Variants in SAMD12 observed in about 807,000 individuals in gnomAD.
SAMD12 encodes the protein sterile alpha motif domain containing 12.
Under a neutral mutation model 15.0 loss-of-function variants are expected in SAMD12, and 9 were observed. The ratio of observed to expected loss-of-function variants is 0.60; its 90% CI spans 0.36 to 1.05. SAMD12 has a LOEUF of 1.05. Ranked by LOEUF, SAMD12 falls within the 50% of genes least tolerant of loss-of-function variation. The probability of loss-of-function intolerance (pLI) is 0.01; values close to 1 mark genes in which losing one functional copy is unlikely to be tolerated. For synonymous variants in SAMD12, 86 were observed against 90.1 expected (o/e 0.96, Z 0.25); for missense variants, 230 against 234.2 (o/e 0.98, Z 0.12).
exon 5 of SAMD12, chr8:118,197,403 C>A (rs978073597): frequency 4.3e-6 from 2 of 463,660 alleles, no homozygotes; most frequent in Non-Finnish European, 7.7e-6. Flanking sequence ...GCACAGACAG[C>A]TCCCCAAAGG....
chr8:118,603,595 C>T (rs1226130858), intron 1 of SAMD12, among the ~76,000 whole-genome samples: 1 of 152,184 alleles, frequency 6.6e-6, no homozygotes, highest in African/African-American at 2.4e-5. Flanking sequence ...AACTATGCTT[C>T]CCAGCTAGCT....
chr8:118,394,243 C>G (rs1320343840), intron 3 of SAMD12, among the ~76,000 whole-genome samples: 1 of 152,164 alleles, frequency 6.6e-6, no homozygotes, highest in Non-Finnish European at 1.5e-5. Flanking sequence ...GAACAGATTT[C>G]CATTATCCAC....
chr8:118,299,380 G>C (rs1291451574), intron 4 of SAMD12, among the ~76,000 whole-genome samples: 1 of 152,158 alleles, frequency 6.6e-6, no homozygotes, highest in Non-Finnish European at 1.5e-5. Flanking sequence ...AAGGAACAGG[G>C]ATTATCTGGC....
At chr8:118,467,544 G>A (rs1431025218) in intron 2 of SAMD12, among the ~76,000 whole-genome samples, 2 of 152,166 alleles carry the variant, frequency 1.3e-5, no homozygotes, top group Non-Finnish European at 2.9e-5. Context: ...TGCAGAACAT[G>A]TGGCCATGAT....
intron 2 of SAMD12, among the ~76,000 whole-genome samples, chr8:118,579,947 G>A (rs1397175607): frequency 6.6e-6 from 1 of 152,120 alleles, no homozygotes; most frequent in African/African-American, 2.4e-5. Flanking sequence ...TTTAGAAGAG[G>A]CTGTCCTTAC....
intron 4 of SAMD12, among the ~76,000 whole-genome samples, chr8:118,351,739 G>A (rs909393399): frequency 9.9e-5 from 15 of 152,198 alleles, no homozygotes; most frequent in Admixed American, 2.0e-4. Context: ...CAGTCAACTT[G>A]AAAAGAGTAG....
intron 4 of SAMD12, among the ~76,000 whole-genome samples, chr8:118,275,319 T>C (rs186090993): frequency 1.8e-4 from 27 of 152,280 alleles, no homozygotes; most frequent in Non-Finnish European, 3.5e-4. Context: ...AACCAATTCT[T>C]AGGATGGCTT....
chr8:118,232,940 G>T (rs1279117487), intron 4 of SAMD12, among the ~76,000 whole-genome samples: 2 of 152,140 alleles, frequency 1.3e-5, no homozygotes, highest in African/African-American at 4.8e-5. Context: ...TTGAAACTCT[G>T]CCAGAAAGAA....
intron 4 of SAMD12, among the ~76,000 whole-genome samples, chr8:118,299,471 C>T (rs1814902684): frequency 6.6e-6 from 1 of 152,060 alleles, no homozygotes; most frequent in Non-Finnish European, 1.5e-5. Context: ...TTTGAAGATG[C>T]CTAAGGGAGA....
At chr8:118,501,584 C>T (rs1166509284) in intron 2 of SAMD12, among the ~76,000 whole-genome samples, 1 of 152,218 alleles carries the variant, frequency 6.6e-6, no homozygotes, top group Non-Finnish European at 1.5e-5. Context: ...TGGAAAGCAC[C>T]TTCACCATAT....
intron 2 of SAMD12, among the ~76,000 whole-genome samples, chr8:118,441,418 G>A (rs1027464942): frequency 4.6e-5 from 7 of 150,556 alleles, no homozygotes; most frequent in South Asian, 2.1e-4. Context: ...GAAGTAATAC[G>A]GAAGCGATTC....
At chr8:118,289,937 C>T (rs1299624876) in intron 4 of SAMD12, among the ~76,000 whole-genome samples, 1 of 152,108 alleles carries the variant, frequency 6.6e-6, no homozygotes, top group Non-Finnish European at 1.5e-5. Context: ...CAGAAAGAAG[C>T]AAATTTACAA....
intron 2 of SAMD12, among the ~76,000 whole-genome samples, chr8:118,578,375 T>C (rs758776946): frequency 2.6e-5 from 4 of 152,190 alleles, no homozygotes; most frequent in Non-Finnish European, 4.4e-5. Context: ...ACAGAGGGAA[T>C]TATTGGCCCC....
chr8:118,426,205 G>A lies in SAMD12; in HGVS notation c.322+13627C>T, dbSNP rs569228777. 4.6e-5 allele frequency among the ~76,000 whole-genome samples: 7 copies of A among 152,268 alleles called. No individual in the cohort carries two copies. In the East Asian group the frequency reaches 1.3e-3, roughly 29 times the overall value. The stretch of plus-strand genomic sequence containing the variant: ...TAGGTAATATTTCTTGATGTCCTTT[G>A]ATGTGCTAGGCACTGTTCTAAATAT... On this transcript the variant is annotated intron_variant, in intron 3 of 3. Coordinates refer to ENST00000314727, the MANE Select transcript of SAMD12 (RefSeq NM_207506.3).
intron 1 of SAMD12, among the ~76,000 whole-genome samples, chr8:118,599,666 A>G (rs1177784219): frequency 1.3e-5 from 2 of 152,194 alleles, no homozygotes; most frequent in African/African-American, 4.8e-5. Flanking sequence ...CTCTAGGGCT[A>G]CAGTGTGGGA....
rs78482381 is a variant in SAMD12, at chr8:118,197,514, A to C, written c.*196T>G. On this transcript the variant is annotated 3_prime_UTR_variant, in exon 5 of 5. Transcript: ENST00000409003. Reference sequence around the variant, plus strand: ...GAGTTGGCATTATATTATGCACCTCATTTTAAATCCACAGCAAAGCAAGAT... The same window carrying C: ...GAGTTGGCATTATATTATGCACCTCCTTTTAAATCCACAGCAAAGCAAGAT... 2,132 of 636,912 alleles carry C rather than the reference A, an allele frequency of 3.3e-3. 33 individuals are homozygous for C. Among genetic ancestry groups the C allele is most frequent in the African/African-American group, 0.033 (1,833 of 54,916 alleles). 39.5% of individuals were successfully genotyped at this position (636,912 alleles called of 1,614,324 possible).
At chr8:118,516,758 C>T (rs1341277793) in intron 2 of SAMD12, among the ~76,000 whole-genome samples, 1 of 151,912 alleles carries the variant, frequency 6.6e-6, no homozygotes, top group African/African-American at 2.4e-5. Context: ...CCTGCCTCAG[C>T]CTCCCGAGTA....
At chr8:118,536,102 C>T (rs192658277) in intron 2 of SAMD12, among the ~76,000 whole-genome samples, 4 of 152,096 alleles carry the variant, frequency 2.6e-5, no homozygotes, top group Admixed American at 2.6e-4. Context: ...CCCCTGTACC[C>T]AAGTTAATTT....
intron 2 of SAMD12, among the ~76,000 whole-genome samples, chr8:118,461,357 A>C (rs1823417480): frequency 6.6e-6 from 1 of 152,238 alleles, no homozygotes; most frequent in Non-Finnish European, 1.5e-5. Flanking sequence ...GACAGAACAC[A>C]TTATACTATG....
Sources: allele counts gnomAD v4.1 joint callset (sites outside exome capture counted in the v4.1 genomes callset), GRCh38; gene constraint gnomAD v4.1.1; transcripts MANE v1.5; gene names NCBI Gene and HGNC (gene_info 2026-07-23, HGNC 2026-07-21).